The following SDHB variants were observed in gnomAD, a reference collection of about 807,000 sequenced individuals.
SDHB encodes the protein succinate dehydrogenase complex iron sulfur subunit B.
A neutral mutation model predicts 39.7 loss-of-function variants in SDHB; 21 were observed. That is an observed-to-expected ratio of 0.53 (90% CI 0.37 to 0.76). The LOEUF is 0.76. Among genes scored for constraint, SDHB ranks in the 30% least tolerant of loss-of-function variants. SDHB has a pLI of 0.00. For missense variants in SDHB, 343 were observed against 350.9 expected, an observed-to-expected ratio of 0.98 and a Z score of 0.18; for synonymous variants, 118 against 117.0, an observed-to-expected ratio of 1.01 and a Z score of -0.06.
intron 7 of SDHB, among the ~76,000 whole-genome samples, chr1:17,022,083 T>C (rs776787514): frequency 7.9e-5 from 12 of 151,964 alleles, no homozygotes; most frequent in Non-Finnish European, 1.3e-4. Context: ...AAGCTGGAAG[T>C]GTGCTGGGAG....
At chr1:17,039,375 AG>A (rs1480326789) in intron 2 of SDHB, among the ~76,000 whole-genome samples, 2 of 143,726 alleles carry the variant, frequency 1.4e-5, no homozygotes, top group African/African-American at 5.1e-5. Flanking sequence ...GCTTGAGCCC[AG>A]GAGACCAGTG....
intron 6 of SDHB, chr1:17,023,190 G>A (rs2077972409): frequency 3.5e-6 from 1 of 286,170 alleles, no homozygotes; most frequent in South Asian, 3.5e-5. Context: ...AACTTACACA[G>A]CGCTCTCAGC....
chr1:17,028,466 T>C, intron 4 of SDHB, 134 bp downstream of exon 4: 1 of 880,438 alleles, frequency 1.1e-6, no homozygotes, highest in South Asian at 1.4e-5. Flanking sequence ...AACAGTCCCA[T>C]CTATTTACTA....
At chr1:17,050,814 A>G (rs927759483) in intron 1 of SDHB, among the ~76,000 whole-genome samples, 2 of 152,228 alleles carry the variant, frequency 1.3e-5, no homozygotes, top group Non-Finnish European at 2.9e-5. Context: ...GTTAATTCTC[A>G]GGATTATGTT....
At chr1:17,033,184 T>C in intron 2 of SDHB, 39 bp from the exon 3 acceptor site, 2 of 1,390,986 alleles carry the variant, frequency 1.4e-6, no homozygotes, top group Non-Finnish European at 2.0e-6. Context: ...TATGTAACGT[T>C]CAACCTCCCT....
chr1:17,025,089 T>TG (rs762302142), intron 5 of SDHB, among the ~76,000 whole-genome samples: 15 of 152,338 alleles, frequency 9.8e-5, no homozygotes, highest in South Asian at 2.1e-4. Context: ...GGGCAGAACT[T>TG]GAAGGATAAA....
intron 3 of SDHB, 53 bp downstream of exon 3, chr1:17,033,007 G>T: frequency 7.1e-7 from 1 of 1,413,020 alleles, no homozygotes; most frequent in Non-Finnish European, 1.0e-6. Flanking sequence ...GCCAGCCCAA[G>T]CCTCTTTGGA....
intron 3 of SDHB, among the ~76,000 whole-genome samples, chr1:17,030,000 G>T (rs941851113): frequency 1.3e-5 from 2 of 152,156 alleles, no homozygotes; most frequent in Non-Finnish European, 2.9e-5. Context: ...TCAGGAGTTC[G>T]AGACCAGTTT....
intron 3 of SDHB, among the ~76,000 whole-genome samples, chr1:17,030,955 T>G (rs1277431441): frequency 3.8e-5 from 1 of 26,012 alleles, no homozygotes; most frequent in Non-Finnish European, 1.2e-4. Flanking sequence ...TGGCCTCACC[T>G]TTTTTTTTTT....
intron 2 of SDHB, among the ~76,000 whole-genome samples, chr1:17,039,425 A>AT (rs1432927848): frequency 2.7e-5 from 4 of 150,602 alleles, no homozygotes; most frequent in African/African-American, 9.8e-5. Flanking sequence ...CAAAAAAAAA[A>AT]AAAAAAAAAA....
At chr1:17,047,574 T>A (rs2078119073) in intron 1 of SDHB, among the ~76,000 whole-genome samples, 1 of 151,344 alleles carries the variant, frequency 6.6e-6, no homozygotes, top group African/African-American at 2.4e-5. Flanking sequence ...TCCCAGCTAC[T>A]AGGGAGGCTG....
intron 7 of SDHB, among the ~76,000 whole-genome samples, chr1:17,021,858 G>C (rs2077963683): frequency 1.3e-5 from 2 of 152,178 alleles, no homozygotes. Flanking sequence ...CCAGCCTCTA[G>C]AGCTGTGCGT....
chr1:17,021,896 A>T (rs2077963950), intron 7 of SDHB, among the ~76,000 whole-genome samples: 1 of 152,244 alleles, frequency 6.6e-6, no homozygotes, highest in Non-Finnish European at 1.5e-5. Context: ...AAAATTACCC[A>T]GTCTGAAATT....
chr1:17,042,481 T>TA (rs1221768833), intron 2 of SDHB, among the ~76,000 whole-genome samples: 2 of 152,112 alleles, frequency 1.3e-5, no homozygotes, highest in Admixed American at 6.6e-5. Flanking sequence ...TTTTTATCAC[T>TA]AAAAAATCGT....
intron 3 of SDHB, among the ~76,000 whole-genome samples, chr1:17,030,689 T>G (rs1039018874): frequency 4.1e-5 from 6 of 146,150 alleles, no homozygotes; most frequent in Non-Finnish European, 7.6e-5. Flanking sequence ...GTTATCATCT[T>G]TTTTTTTTTT....
chr1:17,041,919 AT>A (rs933993909), intron 2 of SDHB, among the ~76,000 whole-genome samples: 5 of 148,636 alleles, frequency 3.4e-5, no homozygotes, highest in Non-Finnish European at 1.5e-5. Context: ...TCAAGCTAAG[AT>A]TTTTTTTTCT....
At chr1:17,028,842 G>T in intron 3 of SDHB, 106 bp from the exon 4 acceptor site, 1 of 1,306,802 alleles carries the variant, frequency 7.7e-7, no homozygotes, top group Non-Finnish European at 1.1e-6. Flanking sequence ...GGGCAGCACT[G>T]ACATGCAACA....
chr1:17,025,119 T>G (rs12730812), intron 5 of SDHB, among the ~76,000 whole-genome samples: 1 of 152,226 alleles, frequency 6.6e-6, no homozygotes, highest in African/African-American at 2.4e-5. Context: ...CTAGCCTTAT[T>G]TCTAACAGTA....
chr1:17,033,659 C>T (rs1468663104), intron 2 of SDHB, among the ~76,000 whole-genome samples: 2 of 152,172 alleles, frequency 1.3e-5, no homozygotes, highest in Non-Finnish European at 2.9e-5. Context: ...GCGGAGCATC[C>T]CTGGGCGTGG....
Sources: gnomAD v4.1 joint callset for allele counts (sites outside exome capture counted in the v4.1 genomes callset) on GRCh38, gnomAD v4.1.1 for gene constraint, MANE v1.5 for transcripts, NCBI Gene and HGNC (gene_info 2026-07-23, HGNC 2026-07-21) for gene names.